The following ARL14EPL variants were observed in gnomAD, a reference collection of about 807,000 sequenced individuals.
ARL14EPL encodes ARF like GTPase 14 effector protein like, also known as ARL14 effector protein-like.
In ARL14EPL, 17 loss-of-function variants were observed where a neutral mutation model predicts 15.9. The observed-to-expected ratio is 1.07, with a 90% confidence interval of 0.73 to 1.60. The LOEUF is 1.60. ARL14EPL is among the 40% of genes most tolerant of loss of function. The probability of loss-of-function intolerance (pLI) is 0.00; values close to 1 mark genes in which losing one functional copy is unlikely to be tolerated. For synonymous variants in ARL14EPL, 78 were observed against 63.8 expected (o/e 1.22, Z -1.06); for missense variants, 214 against 185.9 (o/e 1.15, Z -0.88).
chr5:116,053,280 G>A (rs1749434753), intron 2 of ARL14EPL, among the ~76,000 whole-genome samples: 1 of 151,558 alleles, frequency 6.6e-6, no homozygotes, highest in African/African-American at 2.4e-5. Context: ...TGAGCCCCGG[G>A]GATTGAGGCT....
At chr5:116,034,541 A>G (rs867773140) in intron 1 of ARL14EPL, among the ~76,000 whole-genome samples, 2 of 152,146 alleles carry the variant, frequency 1.3e-5, no homozygotes, top group African/African-American at 2.4e-5. Flanking sequence ...ACATACCCCC[A>G]TTTTTAGAGA....
rs935871212 is a variant in ARL14EPL at position 116,052,969 on chromosome 5, C to T, written c.97-1045C>T. Among the ~76,000 whole-genome samples, 16 of 152,146 alleles carry T rather than the reference C, an allele frequency of 1.1e-4. 1 individual carries two copies. Among genetic ancestry groups the T allele is most frequent in the Admixed American group, 5.9e-4 (9 of 15,272 alleles). On this transcript the variant is annotated intron_variant, in intron 2 of 3. Coordinates refer to ENST00000686077, the MANE Select transcript of ARL14EPL (RefSeq NM_001195581.2). ...GTGCTACATGTTCACAATAAGTTAT[C>T]AGTACAATATTCGATTGAAGCATTT...
chr5:116,053,230 C>T (rs547591559), intron 2 of ARL14EPL, among the ~76,000 whole-genome samples: 17 of 152,078 alleles, frequency 1.1e-4, no homozygotes, highest in African/African-American at 3.9e-4. Context: ...TGCGTGCCTG[C>T]AGTCCCACCT....
At chr5:116,039,020 C>T (rs769393558) in intron 1 of ARL14EPL, among the ~76,000 whole-genome samples, 106 of 152,108 alleles carry the variant, frequency 7.0e-4, no homozygotes, top group African/African-American at 3.9e-4. Flanking sequence ...ACAGACAAAC[C>T]GCCCTTGCTG....
chr5:116,044,561 AG>A (rs1485491564), intron 1 of ARL14EPL, among the ~76,000 whole-genome samples: 3 of 152,164 alleles, frequency 2.0e-5, no homozygotes, highest in Non-Finnish European at 4.4e-5. Flanking sequence ...AGTACAAAAT[AG>A]CAAAGGGGAC....
chr5:116,034,272 G>A (rs1749009811), intron 1 of ARL14EPL, among the ~76,000 whole-genome samples: 1 of 152,188 alleles, frequency 6.6e-6, no homozygotes, highest in South Asian at 2.1e-4. Flanking sequence ...AGTGATGCCA[G>A]GGCTCTCAGG....
intron 3 of ARL14EPL, among the ~76,000 whole-genome samples, chr5:116,054,837 T>A (rs1162789304): frequency 1.3e-5 from 2 of 150,124 alleles, no homozygotes; most frequent in African/African-American, 2.4e-5. Flanking sequence ...TCTCAAAAAA[T>A]AAATAAATAA....
chr5:116,033,649 A>G (rs1748997892), intron 1 of ARL14EPL, among the ~76,000 whole-genome samples: 1 of 152,330 alleles, frequency 6.6e-6, no homozygotes, highest in South Asian at 2.1e-4. Flanking sequence ...TGAAAAATAC[A>G]GGTAGATATT....
chr5:116,043,667 A>T (rs1377545626), intron 1 of ARL14EPL, among the ~76,000 whole-genome samples: 1 of 152,212 alleles, frequency 6.6e-6, no homozygotes, highest in African/African-American at 2.4e-5. Flanking sequence ...TCTTACTTGA[A>T]TTAGAAAAAT....
intron 1 of ARL14EPL, among the ~76,000 whole-genome samples, chr5:116,037,910 A>G (rs1749076544): frequency 6.6e-6 from 1 of 152,234 alleles, no homozygotes; most frequent in African/African-American, 2.4e-5. Flanking sequence ...TAGGTTATAC[A>G]ATAGCAGGAA....
intron 1 of ARL14EPL, among the ~76,000 whole-genome samples, chr5:116,039,121 TCAGTTGTACCC>T (rs1749102387): frequency 1.3e-5 from 2 of 152,140 alleles, no homozygotes; most frequent in Non-Finnish European, 2.9e-5. Flanking sequence ...CATTTTAGAC[TCAGTTGTACCC>T]CAGGAGGGAG....
intron 3 of ARL14EPL, among the ~76,000 whole-genome samples, chr5:116,056,548 C>A (rs1475740181): frequency 5.3e-5 from 8 of 152,042 alleles, no homozygotes; most frequent in Non-Finnish European, 1.2e-4. Flanking sequence ...TGGATATTAG[C>A]CCTTTGTCAG....
chr5:116,044,388 A>T (rs1353556815), intron 1 of ARL14EPL, among the ~76,000 whole-genome samples: 1 of 152,154 alleles, frequency 6.6e-6, no homozygotes, highest in Non-Finnish European at 1.5e-5. Context: ...CGTCTTAGAC[A>T]CTGTTTATAA....
intron 1 of ARL14EPL, among the ~76,000 whole-genome samples, chr5:116,044,376 T>C (rs1222779204): frequency 1.3e-5 from 2 of 152,168 alleles, no homozygotes; most frequent in East Asian, 3.8e-4. Flanking sequence ...GAGATTAGTA[T>C]ACGTCTTAGA....
At chr5:116,038,046 G>A (rs934057050) in intron 1 of ARL14EPL, among the ~76,000 whole-genome samples, 1 of 152,132 alleles carries the variant, frequency 6.6e-6, no homozygotes, top group African/African-American at 2.4e-5. Flanking sequence ...CAATTTAACA[G>A]GGCAAGGTAG....
intron 1 of ARL14EPL, among the ~76,000 whole-genome samples, chr5:116,040,237 ATTTCTATTATAGGCAT>A (rs1248637628): frequency 1.3e-5 from 2 of 151,998 alleles, no homozygotes; most frequent in East Asian, 3.9e-4. Flanking sequence ...GCTATATATA[ATTTCTATTATAGGCAT>A]TTGGTTTAAT....
At chr5:116,055,394 A>C (rs766616764) in intron 3 of ARL14EPL, among the ~76,000 whole-genome samples, 1 of 152,236 alleles carries the variant, frequency 6.6e-6, no homozygotes, top group Non-Finnish European at 1.5e-5. Flanking sequence ...CAAAGAAAAT[A>C]AACTGTTAAT....
chr5:116,039,762 T>C (rs1749114577), intron 1 of ARL14EPL, among the ~76,000 whole-genome samples: 1 of 152,090 alleles, frequency 6.6e-6, no homozygotes, highest in South Asian at 2.1e-4. Flanking sequence ...AAATAAACAG[T>C]ATTATGAATA....
At chr5:116,054,665 A>G (rs1395882234) in intron 3 of ARL14EPL, among the ~76,000 whole-genome samples, 1 of 152,116 alleles carries the variant, frequency 6.6e-6, no homozygotes, top group Non-Finnish European at 1.5e-5. Flanking sequence ...CCCCGTCTCT[A>G]CTAAAAATAC....
Sources: gnomAD v4.1 joint callset for allele counts (sites outside exome capture counted in the v4.1 genomes callset) on GRCh38, gnomAD v4.1.1 for gene constraint, MANE v1.5 for transcripts, NCBI Gene and HGNC (gene_info 2026-07-23, HGNC 2026-07-21) for gene names.